RSPH14: variants seen among roughly 807,000 people sequenced by gnomAD.
RSPH14 encodes radial spoke head 14 homolog, also known as rhabdoid tumor deletion region gene 1.
RSPH14 carries 20 observed loss-of-function variants against 26.7 expected under a neutral mutation model. The observed-to-expected ratio is 0.75, with a 90% CI of 0.53 to 1.09. The LOEUF is 1.09. Among genes scored for constraint, RSPH14 ranks in the 50% least tolerant of loss-of-function variants. The pLI is 0.00. For missense variants in RSPH14, 449 were observed against 457.2 expected (o/e 0.98, Z 0.16); for synonymous variants, 177 against 189.3 (o/e 0.93, Z 0.53).
upstream of RSPH14, among the ~76,000 whole-genome samples, chr22:23,143,261 A>T (rs1441469534): frequency 6.6e-6 from 1 of 151,846 alleles, no homozygotes; most frequent in Non-Finnish European, 1.5e-5. Context: ...ACTACACCCC[A>T]GCCTGGGTGA....
intron 4 of RSPH14, among the ~76,000 whole-genome samples, chr22:23,077,821 ACCCTGACCCCAGCAGG>A (rs754540339): frequency 2.0e-5 from 3 of 152,098 alleles, no homozygotes; most frequent in Non-Finnish European, 2.9e-5. Flanking sequence ...TACAGCCTTC[ACCCTGACCCCAGCAGG>A]CCCTGACCCC....
chr22:23,088,073 G>A (rs551290870), intron 4 of RSPH14, among the ~76,000 whole-genome samples: 1 of 152,344 alleles, frequency 6.6e-6, no homozygotes, highest in Non-Finnish European at 1.5e-5. Context: ...ACCCAGGAAT[G>A]AACAAGGACA....
intron 4 of RSPH14, among the ~76,000 whole-genome samples, chr22:23,109,228 A>G (rs1381990833): frequency 6.6e-6 from 1 of 152,122 alleles, no homozygotes; most frequent in Non-Finnish European, 1.5e-5. Flanking sequence ...GTTCAAGGAG[A>G]ACCAAGGCAG....
chr22:23,147,948 T>C (rs149376425), upstream of RSPH14, among the ~76,000 whole-genome samples: 8 of 152,254 alleles, frequency 5.3e-5, no homozygotes, highest in East Asian at 1.5e-3. Context: ...GAGAAATGTC[T>C]ATTTGTTTAT....
chr22:23,160,858 G>T, the RSPH14 span: 1 of 1,609,750 alleles, frequency 6.2e-7, no homozygotes, highest in Non-Finnish European at 8.5e-7. Flanking sequence ...ATGAGGTCCC[G>T]GCTGTCTTGT....
chr22:23,060,937 G>A (rs564869020), intron 6 of RSPH14, among the ~76,000 whole-genome samples: 3 of 152,194 alleles, frequency 2.0e-5, no homozygotes, highest in Non-Finnish European at 2.9e-5. Flanking sequence ...GACCGAGAAG[G>A]ACACTGGGCT....
At chr22:23,158,284 G>A in the RSPH14 span, among the ~76,000 whole-genome samples, 8 of 152,344 alleles carry the variant, frequency 5.3e-5, no homozygotes, top group Middle Eastern at 3.4e-3. Flanking sequence ...CCCCAGGCAC[G>A]TGCTCAGAGG....
At chr22:23,167,018 G>A in the RSPH14 span, among the ~76,000 whole-genome samples, 3 of 151,938 alleles carry the variant, frequency 2.0e-5, no homozygotes, top group African/African-American at 4.8e-5. Context: ...CCCTGTCCCC[G>A]CCTGACAGGT....
intron 1 of RSPH14, among the ~76,000 whole-genome samples, chr22:23,141,348 A>G (rs944702080): frequency 1.3e-5 from 2 of 151,046 alleles, no homozygotes; most frequent in Non-Finnish European, 2.9e-5. Flanking sequence ...AAAAAAAAAA[A>G]AGTGATTAAC....
rs148686768 is a variant in RSPH14, at chr22:23,140,341, G to T, written c.80C>A (p.Ala27Asp). 3.5e-4 allele frequency: 566 copies of T among 1,614,168 alleles called. 2 individuals are homozygous for T. In the African/African-American group the frequency reaches 6.2e-3, roughly 18 times the overall value. Residue 27 changes from alanine to aspartate, a missense_variant, in exon 2 of 7, where the codon GCC becomes GAC. By Grantham distance (126) the Ala-to-Asp change is moderately radical. Transcript: ENST00000216036. ...CAGCTCCTCCTTCAGCTTGGGCAGG[G>T]CCCGATGGCCATAGGCAGTGGTAAT... is the stretch of plus-strand genomic sequence containing the variant. ...TQITTAYGHR[A>D]LPKLKEELQS...
upstream of RSPH14, among the ~76,000 whole-genome samples, chr22:23,147,802 G>A (rs776979767): frequency 6.6e-6 from 1 of 152,230 alleles, no homozygotes; most frequent in African/African-American, 2.4e-5. Context: ...ACAGACATGA[G>A]GAAGAATGAG....
intron 4 of RSPH14, chr22:23,132,817 G>C (rs2070384396): frequency 6.6e-6 from 1 of 151,918 alleles, no homozygotes; most frequent in Non-Finnish European, 1.5e-5. Context: ...CAGGAGTTTT[G>C]ACCTGCTTTG....
At chr22:23,141,468 C>T (rs2070600121) in intron 1 of RSPH14, among the ~76,000 whole-genome samples, 1 of 152,140 alleles carries the variant, frequency 6.6e-6, no homozygotes, top group African/African-American at 2.4e-5. Flanking sequence ...GTTACTTCCT[C>T]TATCTGTGTC....
the RSPH14 span, among the ~76,000 whole-genome samples, chr22:23,166,775 C>T: frequency 7.9e-5 from 12 of 152,272 alleles, no homozygotes; most frequent in African/African-American, 2.6e-4. Flanking sequence ...GAGCCCAGGT[C>T]ACCCCTGACC....
At chr22:23,145,169 T>A, upstream of RSPH14, 2 of 600,588 alleles carry the variant, frequency 3.3e-6, no homozygotes, top group Non-Finnish European at 5.9e-6. Context: ...GCCGAGCTGA[T>A]CACCAGAACC....
At chr22:23,170,486 C>T in the RSPH14 span, among the ~76,000 whole-genome samples, 1 of 152,072 alleles carries the variant, frequency 6.6e-6, no homozygotes. Flanking sequence ...CAGTGGCTCA[C>T]ACCTGTAATC....
At chr22:23,063,881 C>A in intron 5 of RSPH14, 21 bp downstream of exon 5, 1 of 1,612,140 alleles carries the variant, frequency 6.2e-7, no homozygotes, top group Non-Finnish European at 8.5e-7. Flanking sequence ...TGGTAGAAAC[C>A]CAGCCTAGGC....
At chr22:23,131,924 G>C (rs1033250758) in intron 4 of RSPH14, among the ~76,000 whole-genome samples, 28 of 152,160 alleles carry the variant, frequency 1.8e-4, no homozygotes, top group African/African-American at 6.0e-4. Context: ...GGCCAGATCA[G>C]CTGGAAGAAG....
intron 4 of RSPH14, among the ~76,000 whole-genome samples, chr22:23,084,410 G>T (rs1244522599): frequency 6.6e-6 from 1 of 152,170 alleles, no homozygotes; most frequent in Non-Finnish European, 1.5e-5. Flanking sequence ...GGTAGGCTAG[G>T]CTAAGCTGTG....
Sources: allele counts gnomAD v4.1 joint callset (sites outside exome capture counted in the v4.1 genomes callset), GRCh38; gene constraint gnomAD v4.1.1; transcripts MANE v1.5; gene names NCBI Gene and HGNC (gene_info 2026-07-23, HGNC 2026-07-21).